Variants in MAPKBP1 observed in about 807,000 individuals in gnomAD.
The protein encoded by MAPKBP1 is mitogen-activated protein kinase binding protein 1.
A neutral mutation model predicts 170.5 loss-of-function variants in MAPKBP1; 71 were observed. The observed-to-expected ratio is 0.42, with a 90% CI of 0.34 to 0.51. The LOEUF (loss-of-function observed/expected upper bound fraction) is 0.51. MAPKBP1 is among the 20% of genes least tolerant of loss of function. MAPKBP1 has a pLI of 0.06. For synonymous variants in MAPKBP1, 719 were observed against 757.9 expected (o/e 0.95, Z 0.84); for missense variants, 1,598 against 1,933.0 (o/e 0.83, Z 3.25).
At chr15:41,780,996 C>G (rs541737746) in intron 2 of MAPKBP1, among the ~76,000 whole-genome samples, 1 of 152,020 alleles carries the variant, frequency 6.6e-6, no homozygotes, top group South Asian at 2.1e-4. Flanking sequence ...ATGGATAGCT[C>G]CTCCTAGATT....
At chr15:41,796,372 G>A (rs1596074009) in intron 2 of MAPKBP1, among the ~76,000 whole-genome samples, 1 of 152,184 alleles carries the variant, frequency 6.6e-6, no homozygotes, top group Non-Finnish European at 1.5e-5. Context: ...GGTTATCAGA[G>A]GGAGAGTCAG....
intron 1 of MAPKBP1, 165 bp from the exon 2 acceptor site, chr15:41,775,002 C>G: frequency 2.1e-6 from 1 of 466,254 alleles, no homozygotes; most frequent in Admixed American, 3.8e-5. Flanking sequence ...AGGATTTTCC[C>G]CCCCTTTTTC....
At chr15:41,778,388 C>T (rs768590811) in intron 2 of MAPKBP1, among the ~76,000 whole-genome samples, 2 of 152,136 alleles carry the variant, frequency 1.3e-5, no homozygotes, top group Non-Finnish European at 2.9e-5. Flanking sequence ...AAGCAGTGCT[C>T]AGTAAAGGGT....
intron 29 of MAPKBP1, 91 bp from the exon 30 acceptor site, chr15:41,824,393 G>A: frequency 8.2e-7 from 1 of 1,223,524 alleles, no homozygotes; most frequent in Middle Eastern, 2.6e-4. Context: ...CAATGCTGAG[G>A]GCTAGGTCTC....
At chr15:41,775,460 T>C (rs1437498695) in intron 2 of MAPKBP1, 71 bp downstream of exon 2, 5 of 1,134,318 alleles carry the variant, frequency 4.4e-6, no homozygotes, top group Non-Finnish European at 6.6e-6. Context: ...TTAACCTTCC[T>C]GTTTCTTGGG....
chr15:41,821,081 T>C lies in MAPKBP1; in HGVS notation c.2718+13T>C. Reference sequence around the variant, plus strand: ...ACTCACTAGCCAGGTGAGCCTGCTTTCTCCCAGCTCTCTAGAGAGTTCCAA... The same window carrying C: ...ACTCACTAGCCAGGTGAGCCTGCTTCCTCCCAGCTCTCTAGAGAGTTCCAA... On this transcript the variant is annotated intron_variant, in intron 23 of 30. Transcript: ENST00000457542. 3 of 1,611,808 alleles carry C rather than the reference T, an allele frequency of 1.9e-6. No homozygotes were observed. The highest frequency in any genetic ancestry group is 2.5e-6 in the Non-Finnish European group (3 of 1,178,454).
intron 3 of MAPKBP1, among the ~76,000 whole-genome samples, chr15:41,800,879 G>A (rs1015254967): frequency 2.6e-5 from 4 of 152,152 alleles, no homozygotes; most frequent in African/African-American, 9.7e-5. Context: ...AGCTATGGGT[G>A]TGTGCCACCA....
Position 41,810,885 on chromosome 15 carries a change from G to A in MAPKBP1, c.209G>A (p.Cys70Tyr). The change falls in exon 4 of 31, where the codon TGT becomes TAT. Residue 70 changes from cysteine to tyrosine, a missense_variant and splice_region_variant. Transcript: ENST00000457542. ...RSGLVAYPAG[C>Y]VVVLFNPRKH... is the part of the protein sequence containing the mutation. ...CTGTTGTCTGCTCATCTCCTCAGGT[G>A]TGTGGTTGTGTTGTTCAATCCCCGG... The A allele has an allele frequency of 6.2e-7, 1 of 1,614,168 alleles. No individual in the cohort carries two copies. The highest frequency in any genetic ancestry group is 8.5e-7 in the Non-Finnish European group (1 of 1,180,016).
intron 12 of MAPKBP1, among the ~76,000 whole-genome samples, chr15:41,816,003 T>TA (rs1267457696): frequency 3.3e-5 from 5 of 152,222 alleles, no homozygotes; most frequent in Admixed American, 6.5e-5. Context: ...TCAACATCAT[T>TA]AAGCCCATGA....
At chr15:41,816,455 G>T in intron 12 of MAPKBP1, 104 bp from the exon 13 acceptor site, 1 of 758,170 alleles carries the variant, frequency 1.3e-6, no homozygotes. Context: ...AAGCCTAAAA[G>T]TTCAAAAAAA....
intron 2 of MAPKBP1, among the ~76,000 whole-genome samples, chr15:41,784,918 ATTAG>A (rs2064257706): frequency 2.0e-5 from 3 of 150,040 alleles, no homozygotes; most frequent in African/African-American, 7.3e-5. Flanking sequence ...AAAAAAAAAA[ATTAG>A]TTGGGCATGG....
chr15:41,816,865 GC>G, intron 13 of MAPKBP1, 44 bp from the exon 14 acceptor site: 1 of 1,565,074 alleles, frequency 6.4e-7, no homozygotes, highest in Non-Finnish European at 8.7e-7. Flanking sequence ...CCAGATAAGG[GC>G]TGTTCAGGGC....
intron 28 of MAPKBP1, 34 bp downstream of exon 28, chr15:41,823,256 A>AG: frequency 6.2e-7 from 1 of 1,602,360 alleles, no homozygotes; most frequent in Non-Finnish European, 8.5e-7. Flanking sequence ...GCCAGGGTGC[A>AG]GGGTGTATGG....
chr15:41,819,121 T>A (rs1442280043), intron 20 of MAPKBP1, 125 bp from the exon 21 acceptor site: 2 of 1,430,866 alleles, frequency 1.4e-6, no homozygotes, highest in East Asian at 4.6e-5. Flanking sequence ...CCCTGTTGAG[T>A]CTCCTCTCCC....
At chr15:41,779,904 A>G (rs766721523) in intron 2 of MAPKBP1, among the ~76,000 whole-genome samples, 11 of 152,214 alleles carry the variant, frequency 7.2e-5, no homozygotes, top group African/African-American at 1.9e-4. Context: ...GTGGTATACA[A>G]TGAAAAATGT....
In MAPKBP1 at chr15:41,823,132, G is replaced by A; in HGVS notation, c.3508G>A (p.Asp1170Asn). 1.2e-6 allele frequency: 2 copies of A among 1,613,706 alleles called. No individual in the cohort carries two copies. Among genetic ancestry groups the A allele is most frequent in the Non-Finnish European group, 1.7e-6 (2 of 1,180,030 alleles). Residue 1170 changes from aspartate (D) to asparagine (N), a missense_variant, in exon 28 of 31, where the codon GAC becomes AAC. Transcript: ENST00000457542. Reference sequence around the variant, plus strand: ...GTTGCCACGATGCCGTCTCAACCCTGACAGCAGCTGGGCTCCCAAGAGAGT... The same window carrying A: ...GTTGCCACGATGCCGTCTCAACCCTAACAGCAGCTGGGCTCCCAAGAGAGT... ...VLLPRCRLNP[D>N]SSWAPKRVAT...
At chr15:41,795,591 T>A (rs1217076677) in intron 2 of MAPKBP1, among the ~76,000 whole-genome samples, 2 of 152,002 alleles carry the variant, frequency 1.3e-5, no homozygotes, top group African/African-American at 2.4e-5. Flanking sequence ...ATATTATATT[T>A]TATTTTTATT....
intron 7 of MAPKBP1, 66 bp downstream of exon 7, chr15:41,812,719 A>G: frequency 6.6e-7 from 1 of 1,526,430 alleles, no homozygotes; most frequent in East Asian, 2.3e-5. Context: ...CCAACCCAGG[A>G]GACTCTGCCC....
At chr15:41,788,942 TGAA>T (rs1485049338) in intron 2 of MAPKBP1, among the ~76,000 whole-genome samples, 2 of 152,130 alleles carry the variant, frequency 1.3e-5, no homozygotes, top group East Asian at 3.8e-4. Flanking sequence ...AGGAATGTGT[TGAA>T]GGCCTAAACT....
Sources: allele counts gnomAD v4.1 joint callset (sites outside exome capture counted in the v4.1 genomes callset), GRCh38; gene constraint gnomAD v4.1.1; transcripts MANE v1.5; gene names NCBI Gene and HGNC (gene_info 2026-07-23, HGNC 2026-07-21).